Variants in C10orf67 observed in about 807,000 individuals in gnomAD.
C10orf67 encodes chromosome 10 open reading frame 67.
A neutral mutation model predicts 35.6 loss-of-function variants in C10orf67; 60 were observed. The ratio of observed to expected loss-of-function variants is 1.68; its 90% confidence interval spans 1.37 to 2.09. The LOEUF (loss-of-function observed/expected upper bound fraction) is 2.09, where lower values mean the gene tolerates loss of function less well. Ranked by LOEUF, C10orf67 falls within the 30% of genes most tolerant of loss-of-function variation. C10orf67 has a pLI of 0.00. For missense variants in C10orf67, 474 were observed against 330.2 expected, an observed-to-expected ratio of 1.44 and a Z score of -3.38; for synonymous variants, 167 against 115.8, an observed-to-expected ratio of 1.44 and a Z score of -2.84.
At chr10:23,218,915 G>T (rs981098544) in intron 15 of C10orf67, among the ~76,000 whole-genome samples, 1 of 152,254 alleles carries the variant, frequency 6.6e-6, no homozygotes, top group Admixed American at 6.5e-5. Flanking sequence ...ATAAAACAAT[G>T]TTAACACGTA....
At position 23,209,779 on chromosome 10, in the gene C10orf67, C is replaced by T. The variant is rs187952450; in HGVS notation, c.1571-5524G>A. ...CTTTGGGAGGCCGAGGCATGTGGAT[C>T]GCTTGAGCTCAGGAGTTCAAGACCA... On this transcript the variant is annotated intron_variant, in intron 15 of 15. Coordinates refer to ENST00000636213, the MANE Select transcript of C10orf67 (RefSeq NM_001371909.1). Among the ~76,000 whole-genome samples, 283 of 152,060 alleles carry T rather than the reference C, an allele frequency of 1.9e-3. 3 individuals carry two copies. Among genetic ancestry groups the T allele is most frequent in the Non-Finnish European group, 9.7e-4 (66 of 67,996 alleles).
At chr10:23,216,777 T>C in intron 15 of C10orf67, among the ~76,000 whole-genome samples, 1 of 152,172 alleles carries the variant, frequency 6.6e-6, no homozygotes, top group East Asian at 1.9e-4. Flanking sequence ...AATGATGTTA[T>C]AAATTATTTG....
At chr10:23,320,032 C>T (rs1018086407) in intron 4 of C10orf67, among the ~76,000 whole-genome samples, 2 of 152,100 alleles carry the variant, frequency 1.3e-5, no homozygotes, top group African/African-American at 4.8e-5. Flanking sequence ...AATTACGTAC[C>T]AGTCACAGCG....
At chr10:23,271,344 G>GT (rs1485208954) in intron 8 of C10orf67, among the ~76,000 whole-genome samples, 2 of 152,176 alleles carry the variant, frequency 1.3e-5, no homozygotes, top group African/African-American at 4.8e-5. Flanking sequence ...GGTGTTTCCA[G>GT]TTTTTTGCTC....
At chr10:23,308,847 A>G (rs993414567) in intron 4 of C10orf67, among the ~76,000 whole-genome samples, 2 of 152,166 alleles carry the variant, frequency 1.3e-5, no homozygotes, top group Non-Finnish European at 2.9e-5. Context: ...GCCCCCAGTA[A>G]GTATTATATC....
intron 8 of C10orf67, among the ~76,000 whole-genome samples, chr10:23,273,633 G>C (rs1295149843): frequency 6.6e-6 from 1 of 152,132 alleles, no homozygotes; most frequent in Non-Finnish European, 1.5e-5. Flanking sequence ...CAAGTTAGCT[G>C]TCCCCACACA....
chr10:23,278,813 G>A (rs912856780), intron 8 of C10orf67, among the ~76,000 whole-genome samples: 2 of 152,220 alleles, frequency 1.3e-5, no homozygotes, highest in African/African-American at 2.4e-5. Flanking sequence ...TCTCCTGAGT[G>A]TAAAGAGAGA....
At chr10:23,264,701 G>C (rs1842840595) in intron 10 of C10orf67, among the ~76,000 whole-genome samples, 1 of 152,214 alleles carries the variant, frequency 6.6e-6, no homozygotes, top group Non-Finnish European at 1.5e-5. Flanking sequence ...TTCCAGCCTT[G>C]GGGTTGCTGT....
At chr10:23,238,424 A>G (rs1842100412) in intron 13 of C10orf67, among the ~76,000 whole-genome samples, 1 of 152,234 alleles carries the variant, frequency 6.6e-6, no homozygotes, top group East Asian at 1.9e-4. Flanking sequence ...AAACAGTGGC[A>G]TATGGATGGA....
chr10:23,220,507 T>C (rs1402895373), intron 15 of C10orf67, among the ~76,000 whole-genome samples: 3 of 152,208 alleles, frequency 2.0e-5, no homozygotes, highest in Non-Finnish European at 4.4e-5. Context: ...TGTTACACCA[T>C]GGATTTTCCA....
intron 15 of C10orf67, among the ~76,000 whole-genome samples, chr10:23,217,539 T>C (rs1209222793): frequency 1.3e-5 from 2 of 152,206 alleles, no homozygotes; most frequent in Non-Finnish European, 2.9e-5. Flanking sequence ...TTATGTGGTT[T>C]ATAATGCCTC....
At chr10:23,267,467 A>T (rs980161711) in intron 8 of C10orf67, among the ~76,000 whole-genome samples, 12 of 152,250 alleles carry the variant, frequency 7.9e-5, no homozygotes, top group African/African-American at 2.7e-4. Flanking sequence ...AATATATAAC[A>T]TTGCAAAAAT....
At chr10:23,298,124 G>A (rs1843953533) in intron 5 of C10orf67, among the ~76,000 whole-genome samples, 1 of 152,100 alleles carries the variant, frequency 6.6e-6, no homozygotes. Flanking sequence ...GCGTGGTGGT[G>A]TGCACCTGTA....
chr10:23,236,267 A>G (rs1411219108), intron 13 of C10orf67, among the ~76,000 whole-genome samples: 2 of 123,024 alleles, frequency 1.6e-5, no homozygotes, highest in East Asian at 1.2e-3. Context: ...AAAAAAAAAA[A>G]AAAAAAAAAA....
chr10:23,215,729 A>G (rs148141812), intron 15 of C10orf67, among the ~76,000 whole-genome samples: 167 of 152,302 alleles, frequency 1.1e-3, no homozygotes, highest in African/African-American at 3.6e-3. Context: ...GGAAAATTCT[A>G]AATAAAAGAC....
At chr10:23,245,041 A>G (rs1310754421) in intron 12 of C10orf67, among the ~76,000 whole-genome samples, 1 of 152,242 alleles carries the variant, frequency 6.6e-6, no homozygotes, top group Non-Finnish European at 1.5e-5. Context: ...TAGAGAGCTC[A>G]GAAATAAGCT....
intron 10 of C10orf67, among the ~76,000 whole-genome samples, chr10:23,263,472 A>G (rs1417228483): frequency 6.6e-6 from 1 of 152,084 alleles, no homozygotes; most frequent in Non-Finnish European, 1.5e-5. Flanking sequence ...TTTATCTAAC[A>G]CTTCTTGAAT....
At chr10:23,238,619 G>A (rs1207625115) in intron 13 of C10orf67, among the ~76,000 whole-genome samples, 1 of 152,118 alleles carries the variant, frequency 6.6e-6, no homozygotes, top group Non-Finnish European at 1.5e-5. Flanking sequence ...ACTAGAAAAG[G>A]TTACCAGCTA....
chr10:23,249,938 TG>T (rs1260775744), intron 12 of C10orf67, among the ~76,000 whole-genome samples: 1 of 152,230 alleles, frequency 6.6e-6, no homozygotes, highest in Non-Finnish European at 1.5e-5. Flanking sequence ...GCATCGTTTT[TG>T]TCCTTTTCAG....
Sources: gnomAD v4.1 joint callset for allele counts (sites outside exome capture counted in the v4.1 genomes callset) on GRCh38, gnomAD v4.1.1 for gene constraint, MANE v1.5 for transcripts, NCBI Gene and HGNC (gene_info 2026-07-23, HGNC 2026-07-21) for gene names.